TRIM60: variants seen among roughly 807,000 people sequenced by gnomAD.
TRIM60 encodes tripartite motif-containing protein 60.
For missense variants in TRIM60, 524 were observed against 540.8 expected, an observed-to-expected ratio of 0.97 and a Z score of 0.31; for synonymous variants, 189 against 195.2, an observed-to-expected ratio of 0.97 and a Z score of 0.27.
At chr4:165,036,281 T>G (rs1733620764) in intron 1 of TRIM60, among the ~76,000 whole-genome samples, 1 of 152,150 alleles carries the variant, frequency 6.6e-6, no homozygotes, top group South Asian at 2.1e-4. Flanking sequence ...AGAAACAAAC[T>G]CAGAGAAATT....
chr4:165,037,548 C>T (rs1733648276), intron 1 of TRIM60, among the ~76,000 whole-genome samples: 1 of 152,038 alleles, frequency 6.6e-6, no homozygotes, highest in African/African-American at 2.4e-5. Context: ...TGGTCTCCGT[C>T]TCTTGATCTC....
intron 1 of TRIM60, among the ~76,000 whole-genome samples, chr4:165,035,104 A>G (rs1733591734): frequency 6.6e-6 from 1 of 152,154 alleles, no homozygotes; most frequent in Non-Finnish European, 1.5e-5. Context: ...TCTCTCTGTC[A>G]CCCAGACTGG....
At chr4:165,032,970 C>T (rs1201680618) in intron 1 of TRIM60, among the ~76,000 whole-genome samples, 1 of 151,702 alleles carries the variant, frequency 6.6e-6, no homozygotes, top group Non-Finnish European at 1.5e-5. Flanking sequence ...TCGCTTGAAC[C>T]CAGGAGTTCT....
rs575267682 is a variant in TRIM60 at position 165,036,442 on chromosome 4, A to G, written c.-56-2759A>G. Among the ~76,000 whole-genome samples the G allele has an allele frequency of 2.0e-5, 3 of 152,220 alleles. No individual in the cohort carries two copies. The South Asian group carries it at 6.2e-4, about 32-fold the overall frequency. On this transcript the variant is annotated intron_variant, in intron 1 of 2. Coordinates refer to ENST00000512596, the MANE Select transcript of TRIM60 (RefSeq NM_152620.3). Reference sequence around the variant, plus strand: ...GTTTTTTTAAGTTTAAAAAATCTTAATTTCCCCCTCATTAGATTATTTGAT... The same window carrying G: ...GTTTTTTTAAGTTTAAAAAATCTTAGTTTCCCCCTCATTAGATTATTTGAT...
At chr4:165,036,620 T>A (rs1013462923) in intron 1 of TRIM60, among the ~76,000 whole-genome samples, 5 of 151,872 alleles carry the variant, frequency 3.3e-5, no homozygotes, top group African/African-American at 1.2e-4. Flanking sequence ...TGTAGAGACT[T>A]TCTCATCTGT....
chr4:165,034,360 G>T (rs1427832436), intron 1 of TRIM60, among the ~76,000 whole-genome samples: 1 of 151,246 alleles, frequency 6.6e-6, no homozygotes, highest in Non-Finnish European at 1.5e-5. Flanking sequence ...CACCATGTTA[G>T]TCAGGCTGGT....
In TRIM60 at chr4:165,040,780, G is replaced by C; in HGVS notation, c.708G>C (p.Glu236Asp). Residue 236 changes from glutamate to aspartate, a missense_variant, in exon 3 of 3, where the codon GAG (glutamate) becomes GAC (aspartate). By Grantham distance (45) the Glu-to-Asp change is conservative. Coordinates refer to ENST00000512596, the MANE Select transcript of TRIM60 (RefSeq NM_152620.3). Reference sequence around the variant, plus strand: ...CCACATTAAAACATCTACTGAGGGAGGTAGAGGGCAAGTCTGTGCAGTCAA... The same window carrying C: ...CCACATTAAAACATCTACTGAGGGACGTAGAGGGCAAGTCTGTGCAGTCAA... ...YVSTLKHLLR[E>D]VEGKSVQSNL... 3 of 1,614,140 alleles carry C rather than the reference G, an allele frequency of 1.9e-6. No homozygotes were observed. The highest frequency in any genetic ancestry group is 1.1e-5 in the South Asian group (1 of 91,080).
chr4:165,040,253 C>T lies in TRIM60; in HGVS notation c.181C>T (p.Pro61Ser), dbSNP rs774123163. 1.2e-6 allele frequency: 2 copies of T among 1,614,040 alleles called. No homozygotes were observed. The highest frequency in any genetic ancestry group is 1.3e-5 in the African/African-American group (1 of 74,926). The change falls in exon 3 of 3, where the codon CCA becomes TCA. Residue 61 changes from proline (P) to serine (S), a missense_variant. Transcript: ENST00000512596. ...FPCPVCRFCF[P>S]YKSFRRNPQL... ...CTGTCCTGTCTGCCGTTTTTGCTTT[C>T]CATACAAGAGCTTCAGGAGGAACCC...
intron 1 of TRIM60, among the ~76,000 whole-genome samples, chr4:165,038,622 C>T (rs1213462314): frequency 1.5e-5 from 2 of 130,594 alleles, no homozygotes; most frequent in Admixed American, 8.7e-5. Context: ...GCTTGGGTGA[C>T]ACAGAAAGAC....
chr4:165,038,081 G>A (rs1733664976), intron 1 of TRIM60, among the ~76,000 whole-genome samples: 1 of 152,134 alleles, frequency 6.6e-6, no homozygotes, highest in Non-Finnish European at 1.5e-5. Context: ...GGGGTGGGAG[G>A]CAGTCAGATT....
rs547143791 is a variant in TRIM60, at chr4:165,037,027, A to AC, written c.-56-2170dup. On this transcript the variant is annotated intron_variant, in intron 1 of 2. Coordinates refer to ENST00000512596, the MANE Select transcript of TRIM60 (RefSeq NM_152620.3). ...AGACCAGCCTGGCCAACATGGTGAG[A>AC]CCCCATCTCTACTAAAAATACAAAA... Among the ~76,000 whole-genome samples the AC allele has an allele frequency of 9.7e-3, 1,470 of 151,808 alleles. 20 individuals are homozygous for AC. Among genetic ancestry groups the AC allele is most frequent in the African/African-American group, 0.034 (1,421 of 41,440 alleles).
At chr4:165,032,866 T>C (rs1174277958) in intron 1 of TRIM60, among the ~76,000 whole-genome samples, 1 of 152,252 alleles carries the variant, frequency 6.6e-6, no homozygotes, top group East Asian at 1.9e-4. Flanking sequence ...TTATATTCAC[T>C]GAGCCCACAC....
At chr4:165,036,853 C>T (rs1733633011) in intron 1 of TRIM60, among the ~76,000 whole-genome samples, 1 of 149,248 alleles carries the variant, frequency 6.7e-6, no homozygotes, top group African/African-American at 2.5e-5. Context: ...CGCATTCCAG[C>T]CTGGGAGACA....
Position 165,041,095 on chromosome 4 carries a change from C to T in TRIM60, c.1023C>T (p.Gly341=), listed in dbSNP as rs1733754084. ...RRFYVCPAVL[G]SQRFSSGRHY... Reference sequence around the variant, plus strand: ...TTTATGTCTGCCCTGCTGTCCTAGGCTCTCAGAGATTTAGTTCTGGCCGAC... The same window carrying T: ...TTTATGTCTGCCCTGCTGTCCTAGGTTCTCAGAGATTTAGTTCTGGCCGAC... The change falls in exon 3 of 3, where the codon GGC becomes GGT. Residue 341 remains glycine, a synonymous_variant. Coordinates refer to ENST00000512596, the MANE Select transcript of TRIM60 (RefSeq NM_152620.3). 1 of 1,614,060 alleles carries T rather than the reference C, an allele frequency of 6.2e-7. No homozygotes were observed. Among genetic ancestry groups the T allele is most frequent in the South Asian group, 1.1e-5 (1 of 91,090 alleles).
At position 165,032,048 on chromosome 4, in the gene TRIM60, C is replaced by A; in HGVS notation, c.-121C>A. ...GGGTTGTGTGAGGGTTTCCGCTCTGCGCCCCGCGGGGTTCCATGGGTCCTG... is the reference window on the plus strand; with the variant it reads ...GGGTTGTGTGAGGGTTTCCGCTCTGAGCCCCGCGGGGTTCCATGGGTCCTG... On this transcript the variant is annotated 5_prime_UTR_variant, in exon 1 of 3. Coordinates refer to ENST00000512596, the MANE Select transcript of TRIM60 (RefSeq NM_152620.3). The A allele has an allele frequency of 6.6e-6, 1 of 152,472 alleles. No individual in the cohort carries two copies. The highest frequency in any genetic ancestry group is 1.5e-5 in the Non-Finnish European group (1 of 68,166). The allele number at this position is 152,472 out of a possible 1,614,324, so 9.4% of individuals were successfully genotyped here.
chr4:165,040,699 G>A lies in TRIM60; in HGVS notation c.627G>A (p.Glu209=). ...TTCTTAGGCAGATACAAGATGAAGAGATGAACATTTTAGCAAAACTAAATG... is the reference window on the plus strand; with the variant it reads ...TTCTTAGGCAGATACAAGATGAAGAAATGAACATTTTAGCAAAACTAAATG... The part of the protein sequence containing the change: ...EMILRQIQDE[E]MNILAKLNEN... Residue 209 remains glutamate, a synonymous_variant, in exon 3 of 3, where the codon GAG becomes GAA. Transcript: ENST00000512596. The A allele has an allele frequency of 6.2e-7, 1 of 1,613,878 alleles. No individual in the cohort carries two copies. Among genetic ancestry groups the A allele is most frequent in the Non-Finnish European group, 8.5e-7 (1 of 1,179,978 alleles).
At chr4:165,038,661 C>G (rs547969638) in intron 1 of TRIM60, among the ~76,000 whole-genome samples, 201 of 147,078 alleles carry the variant, frequency 1.4e-3, no homozygotes, top group African/African-American at 4.9e-3. Flanking sequence ...AAAAAAAAAG[C>G]CTGCTTTTTT....
intron 1 of TRIM60, among the ~76,000 whole-genome samples, chr4:165,034,005 G>A (rs1057320438): frequency 6.6e-6 from 1 of 152,170 alleles, no homozygotes; most frequent in Non-Finnish European, 1.5e-5. Context: ...GGACTGAGAA[G>A]AGTGGCTTAT....
intron 1 of TRIM60, among the ~76,000 whole-genome samples, chr4:165,033,560 G>A (rs927077634): frequency 6.6e-6 from 1 of 152,194 alleles, no homozygotes; most frequent in Non-Finnish European, 1.5e-5. Flanking sequence ...CCATTCCATT[G>A]GAAATCGGAA....
Sources: allele counts gnomAD v4.1 joint callset (sites outside exome capture counted in the v4.1 genomes callset), GRCh38; gene constraint gnomAD v4.1.1; transcripts MANE v1.5; gene names NCBI Gene and HGNC (gene_info 2026-07-23, HGNC 2026-07-21).